Variants in PTPN12 observed in about 807,000 individuals in gnomAD.
The protein encoded by PTPN12 is protein tyrosine phosphatase non-receptor type 12.
A neutral mutation model predicts 97.6 loss-of-function variants in PTPN12; 29 were observed. The observed-to-expected ratio is 0.30, with a 90% confidence interval of 0.22 to 0.41. The LOEUF is 0.41. Ranked by LOEUF, PTPN12 falls within the 10% of genes least tolerant of loss-of-function variation. The pLI is 1.00. For synonymous variants in PTPN12, 327 were observed against 300.4 expected (o/e 1.09, Z -0.91); for missense variants, 819 against 926.0 (o/e 0.88, Z 1.50).
At chr7:77,587,033 A>G (rs1787713331) in intron 5 of PTPN12, among the ~76,000 whole-genome samples, 1 of 152,064 alleles carries the variant, frequency 6.6e-6, no homozygotes, top group Non-Finnish European at 1.5e-5. Context: ...TCTCAAAGTT[A>G]TCACGAGGGT....
chr7:77,635,229 T>G (rs1246153882), intron 14 of PTPN12, among the ~76,000 whole-genome samples: 4 of 152,126 alleles, frequency 2.6e-5, no homozygotes, highest in Admixed American at 2.6e-4. Context: ...CCTAGGAGTT[T>G]GAGACCAGCC....
At chr7:77,598,348 A>G (rs942421748) in intron 7 of PTPN12, among the ~76,000 whole-genome samples, 4 of 152,130 alleles carry the variant, frequency 2.6e-5, no homozygotes, top group Non-Finnish European at 4.4e-5. Context: ...GCATTATACA[A>G]TACACCCATG....
intron 14 of PTPN12, among the ~76,000 whole-genome samples, chr7:77,632,647 G>A (rs940161204): frequency 2.0e-5 from 3 of 152,216 alleles, no homozygotes; most frequent in South Asian, 2.1e-4. Context: ...TTAGATATCA[G>A]AATTCAATTC....
intron 13 of PTPN12, among the ~76,000 whole-genome samples, chr7:77,630,262 A>G (rs965650775): frequency 3.3e-5 from 5 of 152,212 alleles, no homozygotes; most frequent in African/African-American, 1.2e-4. Context: ...ATTATCTTAT[A>G]GAGCCATTGG....
chr7:77,561,738 T>TTC (rs1808003356), intron 1 of PTPN12, among the ~76,000 whole-genome samples: 1 of 151,332 alleles, frequency 6.6e-6, no homozygotes, highest in South Asian at 2.1e-4. Flanking sequence ...GAACTTAATA[T>TTC]TCTCAATTTT....
intron 2 of PTPN12, among the ~76,000 whole-genome samples, chr7:77,572,810 C>T (rs553217025): frequency 1.1e-4 from 17 of 152,198 alleles, no homozygotes; most frequent in African/African-American, 3.9e-4. Context: ...AGTGGCCAGG[C>T]GCGGTGGCTC....
chr7:77,602,400 G>A (rs1003814293), intron 8 of PTPN12, among the ~76,000 whole-genome samples: 1 of 151,998 alleles, frequency 6.6e-6, no homozygotes, highest in East Asian at 1.9e-4. Context: ...TATGGATTTA[G>A]GAGTGTAATG....
At chr7:77,629,696 T>C (rs10276669) in intron 13 of PTPN12, among the ~76,000 whole-genome samples, 109,618 of 151,906 alleles carry the variant, frequency 0.72, 40,874 homozygotes, top group East Asian at 0.9. Flanking sequence ...AATCCCAGCA[T>C]TTTGGGAGGC....
rs1412604877 is a variant in PTPN12 at position 77,627,605 on chromosome 7, T to A, written c.1926T>A (p.Thr642=). 1.2e-6 allele frequency: 2 copies of A among 1,612,582 alleles called. No individual in the cohort carries two copies. Among genetic ancestry groups the A allele is most frequent in the Non-Finnish European group, 1.7e-6 (2 of 1,179,540 alleles). The change falls in exon 13 of 18, where the codon ACT becomes ACA. Residue 642 remains threonine (T), a synonymous_variant. Transcript: ENST00000248594. The part of the protein sequence containing the change: ...SAATSTESIS[T]RKVLPMSIAR... The stretch of plus-strand genomic sequence containing the variant: ...CCACTAGTACTGAAAGCATTTCTAC[T>A]AGGAAAGTATTGCCAATGTCCATTG...
At chr7:77,617,043 A>G (rs1788776395) in intron 11 of PTPN12, among the ~76,000 whole-genome samples, 1 of 152,146 alleles carries the variant, frequency 6.6e-6, no homozygotes, top group Admixed American at 6.6e-5. Flanking sequence ...TCAGCCTCCC[A>G]AAGTTCTGGG....
chr7:77,590,595 C>G (rs926557682), intron 5 of PTPN12, among the ~76,000 whole-genome samples: 3 of 150,006 alleles, frequency 2.0e-5, no homozygotes, highest in Non-Finnish European at 3.0e-5. Context: ...CAGTCTCGCT[C>G]TGTCGCCCAG....
At chr7:77,599,536 C>T (rs922498897) in intron 7 of PTPN12, among the ~76,000 whole-genome samples, 1 of 152,086 alleles carries the variant, frequency 6.6e-6, no homozygotes, top group Non-Finnish European at 1.5e-5. Context: ...GTGATCTTGC[C>T]TTTTGCATTG....
chr7:77,597,761 T>C (rs1226095130), intron 6 of PTPN12, 81 bp from the exon 7 acceptor site: 21 of 1,476,588 alleles, frequency 1.4e-5, no homozygotes, highest in Non-Finnish European at 1.6e-5. Flanking sequence ...TTGTGGACTT[T>C]GATACAAGTA....
intron 1 of PTPN12, among the ~76,000 whole-genome samples, chr7:77,557,825 A>G (rs1385266847): frequency 6.6e-6 from 1 of 152,232 alleles, no homozygotes; most frequent in Non-Finnish European, 1.5e-5. Context: ...AACCTCTCCA[A>G]TAATCAGAAA....
At chr7:77,629,925 G>T (rs1789338383) in intron 13 of PTPN12, among the ~76,000 whole-genome samples, 1 of 147,982 alleles carries the variant, frequency 6.8e-6, no homozygotes, top group Non-Finnish European at 1.5e-5. Context: ...GGGCAACAGA[G>T]GGAGACCCTG....
chr7:77,579,092 G>T (rs1273426251), intron 2 of PTPN12, among the ~76,000 whole-genome samples: 1 of 152,084 alleles, frequency 6.6e-6, no homozygotes, highest in East Asian at 1.9e-4. Context: ...AACTTTTTTA[G>T]ATTGAAGGAG....
At chr7:77,632,854 G>A (rs1299710282) in intron 14 of PTPN12, among the ~76,000 whole-genome samples, 1 of 152,216 alleles carries the variant, frequency 6.6e-6, no homozygotes, top group African/African-American at 2.4e-5. Flanking sequence ...CTACTTGAGA[G>A]GCTGAGGCAG....
intron 1 of PTPN12, chr7:77,537,987 G>C (rs1053621051): frequency 4.8e-5 from 48 of 1,001,334 alleles, no homozygotes; most frequent in African/African-American, 1.6e-4. Flanking sequence ...CCGGGGGGGG[G>C]GGCTCGCGTT....
chr7:77,592,356 C>A, intron 6 of PTPN12, 100 bp downstream of exon 6: 1 of 992,934 alleles, frequency 1.0e-6, no homozygotes, highest in Non-Finnish European at 1.5e-6. Flanking sequence ...CTTATAGACG[C>A]CAAGGACTCA....
Sources: allele counts gnomAD v4.1 joint callset (sites outside exome capture counted in the v4.1 genomes callset), GRCh38; gene constraint gnomAD v4.1.1; transcripts MANE v1.5; gene names NCBI Gene and HGNC (gene_info 2026-07-23, HGNC 2026-07-21).